TRHDE: variants seen among roughly 807,000 people sequenced by gnomAD.
TRHDE encodes the protein thyrotropin releasing hormone degrading enzyme.
In TRHDE, 72 loss-of-function variants were observed where a neutral mutation model predicts 125.7. The observed-to-expected ratio is 0.57, with a 90% confidence interval of 0.47 to 0.70. The LOEUF (loss-of-function observed/expected upper bound fraction) is 0.70. TRHDE is among the 30% of genes least tolerant of loss of function. The probability of loss-of-function intolerance (pLI) is 0.00; values close to 1 mark genes in which losing one functional copy is unlikely to be tolerated. For missense variants in TRHDE, 1,110 were observed against 1,327.1 expected (o/e 0.84, Z 2.54); for synonymous variants, 509 against 509.1 (o/e 1.00, Z 0.00).
chr12:72,665,861 T>A lies in TRHDE; in HGVS notation c.*2666T>A. 1 of 152,054 alleles carries A rather than the reference T, an allele frequency of 6.6e-6. No homozygotes were observed. The highest frequency in any genetic ancestry group is 1.9e-4 in the East Asian group (1 of 5,160). 9.4% of individuals were successfully genotyped at this position (152,054 alleles called of 1,614,324 possible). A position where few individuals can be genotyped will look rare whatever the true frequency, so the allele number is the denominator to read the frequency against. ...AAAAAGATTTCCCCATTTTTACACA[T>A]TTTTTCTTAAAATTTTTCTATAATC... On this transcript the variant is annotated 3_prime_UTR_variant, in exon 19 of 19. Transcript: ENST00000261180.
At chr12:72,200,601 C>G (rs950484486) in intron 2 of TRHDE, among the ~76,000 whole-genome samples, 1 of 151,996 alleles carries the variant, frequency 6.6e-6, no homozygotes, top group Non-Finnish European at 1.5e-5. Flanking sequence ...GCTTTTGTGG[C>G]TGGATTGGGA....
chr12:72,527,701 T>G, intron 6 of TRHDE, among the ~76,000 whole-genome samples: 1 of 152,226 alleles, frequency 6.6e-6, no homozygotes. Context: ...TTTTTCTTAT[T>G]TTAATATGTT....
intron 3 of TRHDE, among the ~76,000 whole-genome samples, chr12:72,413,744 G>A (rs1261329976): frequency 1.3e-5 from 2 of 151,968 alleles, no homozygotes; most frequent in Non-Finnish European, 2.9e-5. Flanking sequence ...AAGTTCATGA[G>A]CATCACCATC....
chr12:72,460,252 A>G (rs1429407474), intron 3 of TRHDE, among the ~76,000 whole-genome samples: 1 of 152,168 alleles, frequency 6.6e-6, no homozygotes, highest in African/African-American at 2.4e-5. Flanking sequence ...AATAGTTGCA[A>G]TTATATTCAT....
At chr12:72,534,193 A>C (rs935183165) in intron 6 of TRHDE, among the ~76,000 whole-genome samples, 3 of 152,236 alleles carry the variant, frequency 2.0e-5, no homozygotes, top group African/African-American at 7.2e-5. Context: ...TAGTTAAAGG[A>C]GATTAATGTA....
intron 2 of TRHDE, among the ~76,000 whole-genome samples, chr12:72,371,559 A>C (rs932572353): frequency 1.3e-5 from 2 of 150,404 alleles, no homozygotes; most frequent in African/African-American, 4.9e-5. Context: ...ACCCCACAAC[A>C]GTCCCCAGAG....
At chr12:72,128,800 G>T (rs1053049772) in intron 2 of TRHDE, among the ~76,000 whole-genome samples, 1 of 152,106 alleles carries the variant, frequency 6.6e-6, no homozygotes. Flanking sequence ...GACAACTTCA[G>T]GTAGCCTAAT....
At position 72,618,892 on chromosome 12, in the gene TRHDE, G is replaced by A. The variant is rs1194627825; in HGVS notation, c.2323G>A (p.Ala775Thr). Residue 775 changes from alanine to threonine, a missense_variant and splice_region_variant, in exon 13 of 19, where the codon GCT becomes ACT. Ala to Thr is a moderately conservative substitution (Grantham distance 58, BLOSUM62 0). Around this residue, in one of 5 missense-constraint regions of TRHDE, gnomAD observed 527 missense variants for 651.8 expected, o/e 0.81. Transcript: ENST00000261180. ...LIDDAFSLAR[A>T]GYLPQNIPLE... The stretch of plus-strand genomic sequence containing the variant: ...ATCTTTTTTTTTTTTTAACTGTAGG[G>A]CTGGCTATTTGCCTCAGAATATTCC... 4.0e-6 allele frequency: 6 copies of A among 1,503,194 alleles called. No homozygotes were observed. Among genetic ancestry groups the A allele is most frequent in the African/African-American group, 1.4e-5 (1 of 69,146 alleles). The allele number at this position is 1,503,194 out of a possible 1,614,324, so 93.1% of individuals were successfully genotyped here.
At chr12:72,469,999 C>A in intron 4 of TRHDE, 87 bp downstream of exon 4, 1 of 1,358,914 alleles carries the variant, frequency 7.4e-7, no homozygotes, top group South Asian at 1.4e-5. Context: ...AAATTATTAT[C>A]CTCCCAAAGA....
intron 2 of TRHDE, among the ~76,000 whole-genome samples, chr12:72,124,326 T>C (rs1875661788): frequency 6.6e-6 from 1 of 152,194 alleles, no homozygotes; most frequent in South Asian, 2.1e-4. Flanking sequence ...ACTTTTTTTG[T>C]TCAGATCATA....
chr12:72,601,338 C>T (rs1294988050), intron 12 of TRHDE, among the ~76,000 whole-genome samples: 1 of 152,102 alleles, frequency 6.6e-6, no homozygotes, highest in Non-Finnish European at 1.5e-5. Context: ...GGAATTGCTT[C>T]TTGTGGATGA....
chr12:72,424,769 G>A (rs1234891813), intron 3 of TRHDE, among the ~76,000 whole-genome samples: 2 of 151,992 alleles, frequency 1.3e-5, no homozygotes, highest in Non-Finnish European at 2.9e-5. Context: ...TAATATTAAA[G>A]CTTTTGGGGG....
At chr12:72,519,499 T>C (rs1879064950) in intron 6 of TRHDE, among the ~76,000 whole-genome samples, 2 of 152,174 alleles carry the variant, frequency 1.3e-5, no homozygotes, top group Admixed American at 1.3e-4. Context: ...CTCCATCAGC[T>C]CCTTTAAGCA....
chr12:72,297,594 T>C (rs901078535), intron 2 of TRHDE, among the ~76,000 whole-genome samples: 2 of 151,918 alleles, frequency 1.3e-5, no homozygotes, highest in African/African-American at 2.4e-5. Flanking sequence ...AGTTCAAGAG[T>C]GTCACCTGCA....
chr12:72,471,111 C>T (rs1341915700), intron 4 of TRHDE, among the ~76,000 whole-genome samples: 1 of 152,034 alleles, frequency 6.6e-6, no homozygotes, highest in African/African-American at 2.4e-5. Context: ...TTCCTGACCT[C>T]AGGTGATCCA....
At chr12:72,291,211 G>A (rs1055179950) in intron 2 of TRHDE, among the ~76,000 whole-genome samples, 16 of 152,118 alleles carry the variant, frequency 1.1e-4, no homozygotes, top group African/African-American at 3.6e-4. Flanking sequence ...ACCTGTTAAC[G>A]AAAGATACAA....
At chr12:72,416,616 C>A (rs1376326407) in intron 3 of TRHDE, among the ~76,000 whole-genome samples, 1 of 152,082 alleles carries the variant, frequency 6.6e-6, no homozygotes, top group Non-Finnish European at 1.5e-5. Flanking sequence ...GGTTTTCCAG[C>A]ACCATTTATT....
chr12:72,199,629 G>C (rs1196800817), intron 2 of TRHDE, among the ~76,000 whole-genome samples: 1 of 152,118 alleles, frequency 6.6e-6, no homozygotes, highest in Non-Finnish European at 1.5e-5. Flanking sequence ...GAGCTACTGT[G>C]GTGGTTTAAA....
At chr12:72,284,382 A>G in intron 1 of TRHDE, among the ~76,000 whole-genome samples, 1 of 152,150 alleles carries the variant, frequency 6.6e-6, no homozygotes, top group East Asian at 1.9e-4. Flanking sequence ...AGCCTCAGTG[A>G]AAAATATTAA....
Sources: allele counts gnomAD v4.1 joint callset (sites outside exome capture counted in the v4.1 genomes callset), GRCh38; gene constraint gnomAD v4.1.1; regional missense constraint gnomAD v4.1.1; transcripts MANE v1.5; gene names NCBI Gene and HGNC (gene_info 2026-07-23, HGNC 2026-07-21).